Variants in SLC2A13 observed in about 807,000 individuals in gnomAD.
The protein encoded by SLC2A13 is solute carrier family 2 member 13.
Under a neutral mutation model 64.4 loss-of-function variants are expected in SLC2A13, and 32 were observed. The observed-to-expected ratio is 0.50, with a 90% confidence interval of 0.37 to 0.67. SLC2A13 has a LOEUF of 0.67. Among genes scored for constraint, SLC2A13 ranks in the 30% least tolerant of loss-of-function variants. SLC2A13 has a pLI of 0.00. For synonymous variants in SLC2A13, 338 were observed against 327.1 expected (o/e 1.03, Z -0.36); for missense variants, 743 against 829.2 (o/e 0.90, Z 1.28).
chr12:40,038,074 A>G (rs527521510), intron 2 of SLC2A13, among the ~76,000 whole-genome samples: 1 of 152,320 alleles, frequency 6.6e-6, no homozygotes, highest in East Asian at 1.9e-4. Context: ...GCTTCTTAAC[A>G]TGAAACTTAG....
At chr12:39,894,082 TTTTTGCAAACA>T (rs1186345676) in intron 4 of SLC2A13, among the ~76,000 whole-genome samples, 1 of 152,212 alleles carries the variant, frequency 6.6e-6, no homozygotes, top group Non-Finnish European at 1.5e-5. Context: ...TTAATAAATG[TTTTTGCAAACA>T]TTTAGTAAAC....
intron 7 of SLC2A13, among the ~76,000 whole-genome samples, chr12:39,827,076 ACCAACAGTTG>A (rs1198111186): frequency 6.6e-6 from 1 of 151,528 alleles, no homozygotes; most frequent in Non-Finnish European, 1.5e-5. Flanking sequence ...TCCTGTATTT[ACCAACAGTTG>A]CTTCCCATGG....
intron 2 of SLC2A13, among the ~76,000 whole-genome samples, chr12:40,042,099 C>T (rs1178267381): frequency 6.6e-6 from 1 of 152,154 alleles, no homozygotes; most frequent in Non-Finnish European, 1.5e-5. Flanking sequence ...TATAGAGGTT[C>T]CCAGGACTAA....
intron 4 of SLC2A13, 56 bp from the exon 5 acceptor site, chr12:39,872,017 T>C (rs1403088729): frequency 2.1e-6 from 3 of 1,399,348 alleles, no homozygotes; most frequent in Middle Eastern, 1.9e-4. Flanking sequence ...GAAACAGGGT[T>C]ATTTTGATAG....
At chr12:39,803,769 C>T (rs1381437240) in intron 7 of SLC2A13, among the ~76,000 whole-genome samples, 3 of 152,076 alleles carry the variant, frequency 2.0e-5, no homozygotes, top group Non-Finnish European at 4.4e-5. Context: ...GCATGCATCT[C>T]ACCGGAATTC....
chr12:40,023,855 T>G (rs1469964798), intron 3 of SLC2A13, among the ~76,000 whole-genome samples: 1 of 152,150 alleles, frequency 6.6e-6, no homozygotes, highest in East Asian at 1.9e-4. Context: ...AGCCAATGAA[T>G]GAAAACTGGA....
chr12:39,779,049 A>G (rs1940880200), intron 7 of SLC2A13, among the ~76,000 whole-genome samples: 1 of 152,124 alleles, frequency 6.6e-6, no homozygotes, highest in Non-Finnish European at 1.5e-5. Context: ...AATATGAGAC[A>G]CTTTCCCCCA....
intron 2 of SLC2A13, among the ~76,000 whole-genome samples, chr12:40,035,420 T>C (rs1176166408): frequency 6.6e-6 from 1 of 152,324 alleles, no homozygotes; most frequent in South Asian, 2.1e-4. Context: ...AAGTCTATTT[T>C]AGCAGAAAAG....
chr12:40,096,735 A>T (rs73093506), intron 1 of SLC2A13, among the ~76,000 whole-genome samples: 2,176 of 151,982 alleles, frequency 0.014, 26 homozygotes, highest in Non-Finnish European at 0.022. Flanking sequence ...TATACAGTAT[A>T]CCCTATACAT....
rs764773939 is a variant in SLC2A13, at chr12:39,760,223, C to T, written c.1750G>A (p.Ala584Thr). 1.2e-6 allele frequency: 2 copies of T among 1,612,284 alleles called. No homozygotes were observed. The highest frequency in any genetic ancestry group is 2.7e-5 in the African/African-American group (2 of 74,750). Residue 584 changes from alanine (A) to threonine (T), a missense_variant, in exon 10 of 10, where the codon GCT becomes ACT. Around this residue, in one of 2 missense-constraint regions of SLC2A13, gnomAD observed 295 missense variants for 381.7 expected, o/e 0.77. Transcript: ENST00000280871. ...CCATAGATGAAAAGGAGTCCCACAG[C>T]AGCAAATCCAGCATAGAGGAAGAAA... is the stretch of plus-strand genomic sequence containing the variant. The part of the protein sequence containing the change: ...GAFFLYAGFA[A>T]VGLLFIYGCL...
At chr12:39,971,553 A>G (rs1946645859) in intron 3 of SLC2A13, among the ~76,000 whole-genome samples, 1 of 152,184 alleles carries the variant, frequency 6.6e-6, no homozygotes. Context: ...GCTCTATAAT[A>G]TAATTTCTTT....
intron 4 of SLC2A13, among the ~76,000 whole-genome samples, chr12:39,912,907 CAGAAT>C (rs1945454471): frequency 6.6e-6 from 1 of 152,046 alleles, no homozygotes; most frequent in East Asian, 1.9e-4. Context: ...AGTAAAGAAA[CAGAAT>C]AGTTTTATAT....
At chr12:40,091,246 G>A (rs796302544) in intron 1 of SLC2A13, among the ~76,000 whole-genome samples, 3 of 152,158 alleles carry the variant, frequency 2.0e-5, no homozygotes, top group Admixed American at 6.5e-5. Context: ...TGTGGCACAT[G>A]GCTGAACTTT....
chr12:40,067,774 T>C (rs762712599), intron 1 of SLC2A13, among the ~76,000 whole-genome samples: 1 of 152,188 alleles, frequency 6.6e-6, no homozygotes, highest in Non-Finnish European at 1.5e-5. Flanking sequence ...GCACGTTTCT[T>C]CTCTCTCCCC....
intron 3 of SLC2A13, among the ~76,000 whole-genome samples, chr12:39,986,311 C>T (rs1947030264): frequency 6.6e-6 from 1 of 152,036 alleles, no homozygotes; most frequent in Non-Finnish European, 1.5e-5. Flanking sequence ...ATTTTCAAAG[C>T]ATACACATAT....
At chr12:39,826,883 G>GTTTTTTTTTTTTTT (rs1942700701) in intron 7 of SLC2A13, among the ~76,000 whole-genome samples, 1 of 43,180 alleles carries the variant, frequency 2.3e-5, no homozygotes. Flanking sequence ...GCAATGCAAG[G>GTTTTTTTTTTTTTT]TTCTTTATGT....
Position 40,105,299 on chromosome 12 carries a change from G to T in SLC2A13, c.510C>A (p.Asn170Lys). The change falls in exon 1 of 10, where the codon AAC (asparagine) becomes AAA (lysine). Residue 170 changes from asparagine (N) to lysine (K), a missense_variant. Physicochemically the swap from Asn to Lys is moderately conservative, Grantham distance 94 (BLOSUM62 0). Around this residue, in one of 2 missense-constraint regions of SLC2A13, gnomAD observed 448 missense variants for 447.4 expected, o/e 1.00. Transcript: ENST00000280871. This position sits in a 1 kb window ranked among gnomAD's most constrained non-coding sequence, Gnocchi z 4.2. ...AGSAVLAAANNKETLLAGRLV... is the reference protein window; with the variant it reads ...AGSAVLAAANKKETLLAGRLV... ...GGCGGCCGGCGAGCAGTGTCTCCTT[G>T]TTGTTGGCCGCAGCCAGCACCGCGG... The T allele has an allele frequency of 6.2e-7, 1 of 1,602,428 alleles. No homozygotes were observed. Among genetic ancestry groups the T allele is most frequent in the Non-Finnish European group, 8.5e-7 (1 of 1,176,246 alleles).
At chr12:39,954,776 T>TAAAGATAA (rs1473140241) in intron 3 of SLC2A13, among the ~76,000 whole-genome samples, 1 of 152,192 alleles carries the variant, frequency 6.6e-6, no homozygotes, top group African/African-American at 2.4e-5. Context: ...ATACAATTTG[T>TAAAGATAA]AAAGATAACG....
intron 1 of SLC2A13, among the ~76,000 whole-genome samples, chr12:40,048,639 ATAGT>A (rs919416505): frequency 2.0e-5 from 3 of 152,202 alleles, no homozygotes; most frequent in East Asian, 1.9e-4. Flanking sequence ...ATTCAAAGAC[ATAGT>A]TAGATGCCAG....
Sources: gnomAD v4.1 joint callset for allele counts (sites outside exome capture counted in the v4.1 genomes callset) on GRCh38, gnomAD v4.1.1 for gene constraint, gnomAD v4.1.1 regional missense constraint, Gnocchi (gnomAD v3.1) non-coding constraint, MANE v1.5 for transcripts, NCBI Gene and HGNC (gene_info 2026-07-23, HGNC 2026-07-21) for gene names.